ERBIN: variants seen among roughly 807,000 people sequenced by gnomAD.
The protein encoded by ERBIN is densin-180-like protein.
A neutral mutation model predicts 158.4 loss-of-function variants in ERBIN; 60 were observed. That is an observed-to-expected ratio of 0.38 (90% confidence interval 0.31 to 0.47). The LOEUF is 0.47. Among genes scored for constraint, ERBIN ranks in the 20% least tolerant of loss-of-function variants. The probability of loss-of-function intolerance (pLI) is 0.99; values close to 1 mark genes in which losing one functional copy is unlikely to be tolerated. For synonymous variants in ERBIN, 594 were observed against 557.2 expected (o/e 1.07, Z -0.93); for missense variants, 1,610 against 1,648.0 (o/e 0.98, Z 0.40).
intron 13 of ERBIN, among the ~76,000 whole-genome samples, chr5:66,026,850 C>T (rs1756311816): frequency 6.6e-6 from 1 of 151,932 alleles, no homozygotes; most frequent in Non-Finnish European, 1.5e-5. Flanking sequence ...CTTACAGTTA[C>T]CTTTTATTTC....
chr5:66,003,027 C>T lies in ERBIN; in HGVS notation c.307+8163C>T, dbSNP rs114283735. Among the ~76,000 whole-genome samples, 817 of 152,268 alleles carry T rather than the reference C, an allele frequency of 5.4e-3. 9 individuals are homozygous for T. Among genetic ancestry groups the T allele is most frequent in the African/African-American group, 0.018 (754 of 41,550 alleles). ...TGCACTCATTTGTGCCCTACCATAG[C>T]GTAGGCATTATTATTTGTTGTGTTA... On this transcript the variant is annotated intron_variant, in intron 4 of 25. Transcript: ENST00000284037.
At chr5:65,973,800 G>C (rs1201912775) in intron 1 of ERBIN, among the ~76,000 whole-genome samples, 1 of 151,318 alleles carries the variant, frequency 6.6e-6, no homozygotes, top group Non-Finnish European at 1.5e-5. Flanking sequence ...ATAGATTAAG[G>C]AGGTTTGGGG....
chr5:66,072,632 A>C (rs1761629541), intron 22 of ERBIN, among the ~76,000 whole-genome samples: 1 of 152,196 alleles, frequency 6.6e-6, no homozygotes, highest in East Asian at 1.9e-4. Context: ...AACTTGTGTT[A>C]AACTCTTCAT....
At position 66,053,454 on chromosome 5, in the gene ERBIN, A is replaced by T. The variant is rs1207423598; in HGVS notation, c.2136A>T (p.Leu712Phe). ...GCCTTTTACAAAATGGAGATATTTT[A>T]AACAGTTCAACAGAGGAAAAGTTCA... ...FNSLLQNGDILNSSTEEKFKA... is the reference protein window; with the variant it reads ...FNSLLQNGDIFNSSTEEKFKA... The change falls in exon 21 of 26, where the codon TTA becomes TTT. Residue 712 changes from leucine to phenylalanine, a missense_variant. Leu to Phe is a conservative substitution (Grantham distance 22). Coordinates refer to ENST00000284037, the MANE Select transcript of ERBIN (RefSeq NM_001253697.2). 1.3e-6 allele frequency: 2 copies of T among 1,561,570 alleles called. No individual in the cohort carries two copies. Among genetic ancestry groups the T allele is most frequent in the African/African-American group, 2.8e-5 (2 of 72,296 alleles).
chr5:66,023,413 T>C, intron 9 of ERBIN, 49 bp downstream of exon 9: 4 of 1,212,342 alleles, frequency 3.3e-6, no homozygotes, highest in Non-Finnish European at 4.8e-6. Flanking sequence ...GGCTCTCCTT[T>C]GCAGTTTTGT....
At chr5:66,026,534 A>G in intron 13 of ERBIN, 117 bp downstream of exon 13, 1 of 460,052 alleles carries the variant, frequency 2.2e-6, no homozygotes, top group East Asian at 3.6e-5. Flanking sequence ...TATACATAGT[A>G]AGTTCTCAGT....
At chr5:66,015,337 T>C (rs1051949774) in intron 7 of ERBIN, among the ~76,000 whole-genome samples, 4 of 152,132 alleles carry the variant, frequency 2.6e-5, no homozygotes, top group Admixed American at 2.0e-4. Flanking sequence ...ATTTTAAGGG[T>C]TGGCAAACTA....
intron 14 of ERBIN, among the ~76,000 whole-genome samples, chr5:66,037,530 T>C (rs1195570857): frequency 6.6e-6 from 1 of 152,094 alleles, no homozygotes; most frequent in Admixed American, 6.6e-5. Flanking sequence ...GAATTTGAAA[T>C]GTAGGGCAGA....
At chr5:66,017,441 T>A (rs1754884763) in intron 7 of ERBIN, among the ~76,000 whole-genome samples, 1 of 152,138 alleles carries the variant, frequency 6.6e-6, no homozygotes, top group African/African-American at 2.4e-5. Flanking sequence ...TGATCATTTT[T>A]TCATATGCCT....
Position 66,063,980 on chromosome 5 carries a change from A to C in ERBIN, c.3634-8189A>C, listed in dbSNP as rs571923474. Among the ~76,000 whole-genome samples the C allele has an allele frequency of 2.6e-5, 4 of 152,346 alleles. No individual in the cohort carries two copies. In the East Asian group the frequency reaches 7.7e-4, roughly 29 times the overall value. On this transcript the variant is annotated intron_variant, in intron 21 of 25. Coordinates refer to ENST00000284037, the MANE Select transcript of ERBIN (RefSeq NM_001253697.2). ...ATCTCTTCTTCAGAAAATATAGTTC[A>C]GAAGATTATTTCATAGTTTAGGTAA...
intron 3 of ERBIN, 152 bp from the exon 4 acceptor site, chr5:65,994,595 C>T: frequency 1.9e-6 from 1 of 530,322 alleles, no homozygotes; most frequent in Non-Finnish European, 3.3e-6. Flanking sequence ...TATTCATATC[C>T]ATAATAGCAT....
At chr5:66,051,818 C>T (rs1361915795) in intron 20 of ERBIN, among the ~76,000 whole-genome samples, 1 of 147,710 alleles carries the variant, frequency 6.8e-6, no homozygotes, top group South Asian at 2.1e-4. Flanking sequence ...TTGCTTGAGC[C>T]CAGGAGGCGG....
chr5:65,959,218 A>T (rs944172680), intron 1 of ERBIN, among the ~76,000 whole-genome samples: 4 of 152,192 alleles, frequency 2.6e-5, no homozygotes, highest in Non-Finnish European at 5.9e-5. Context: ...TCTGGTGGAA[A>T]TAATGGTAAT....
chr5:66,045,188 C>T (rs1023140343), intron 17 of ERBIN, among the ~76,000 whole-genome samples: 1 of 151,930 alleles, frequency 6.6e-6, no homozygotes, highest in Admixed American at 6.6e-5. Context: ...CACAGCACTC[C>T]GGCATGGGTG....
rs192025606 is a variant in ERBIN at position 66,068,678 on chromosome 5, C to T, written c.3634-3491C>T. Among the ~76,000 whole-genome samples the T allele has an allele frequency of 4.6e-5, 7 of 152,180 alleles. 1 individual carries two copies. Among genetic ancestry groups the T allele is most frequent in the South Asian group, 4.1e-4 (2 of 4,826 alleles). ...TTAAACATGTGAATGGTTGTATTTA[C>T]GTGTAATTTGTGTATATGTATATGT... On this transcript the variant is annotated intron_variant, in intron 21 of 25. Transcript: ENST00000284037.
At chr5:66,072,333 C>T in intron 22 of ERBIN, 42 bp downstream of exon 22, 1 of 1,541,256 alleles carries the variant, frequency 6.5e-7, no homozygotes. Flanking sequence ...TGTGAGCTTT[C>T]TATATTTTGC....
rs16894862 is a variant in ERBIN, at chr5:66,078,691, A to G, written c.*161A>G. On this transcript the variant is annotated 3_prime_UTR_variant, in exon 26 of 26. Coordinates refer to ENST00000284037, the MANE Select transcript of ERBIN (RefSeq NM_001253697.2). ...TAATGGAACTTGTGGTTAGAGGGAA[A>G]GAACCACTGTACAGAATATAAAGGA... The G allele has an allele frequency of 0.021, 13,184 of 614,452 alleles. 252 individuals carry two copies. Among genetic ancestry groups the G allele is most frequent in the African/African-American group, 0.071 (3,782 of 53,014 alleles). 38.1% of individuals were successfully genotyped at this position (614,452 alleles called of 1,614,324 possible).
chr5:66,034,122 A>AC (rs1159222396), intron 14 of ERBIN, among the ~76,000 whole-genome samples: 3 of 151,638 alleles, frequency 2.0e-5, no homozygotes, highest in Non-Finnish European at 4.4e-5. Flanking sequence ...TCTCAAAAAA[A>AC]AAAAAAAAGA....
intron 1 of ERBIN, among the ~76,000 whole-genome samples, chr5:65,987,192 G>C (rs1751324730): frequency 6.6e-6 from 1 of 152,052 alleles, no homozygotes. Flanking sequence ...TCCAGGCATG[G>C]AAAGCTCAAA....
Sources: allele counts gnomAD v4.1 joint callset (sites outside exome capture counted in the v4.1 genomes callset), GRCh38; gene constraint gnomAD v4.1.1; transcripts MANE v1.5; gene names NCBI Gene and HGNC (gene_info 2026-07-23, HGNC 2026-07-21).